Variants in VPS13B observed in about 807,000 individuals in gnomAD.
VPS13B encodes vacuolar protein sorting 13 homolog B, also known as intermembrane lipid transfer protein VPS13B.
Under a neutral mutation model 426.4 loss-of-function variants are expected in VPS13B, and 285 were observed. That is an observed-to-expected ratio of 0.67 (90% CI 0.61 to 0.74). The LOEUF (loss-of-function observed/expected upper bound fraction) is 0.74, where lower values mean the gene tolerates loss of function less well. VPS13B is among the 30% of genes least tolerant of loss of function. The probability of loss-of-function intolerance (pLI) is 0.00; values close to 1 mark genes in which losing one functional copy is unlikely to be tolerated. For missense variants in VPS13B, 4,537 were observed against 4,782.6 expected (o/e 0.95, Z 1.51); for synonymous variants, 1,676 against 1,676.4 (o/e 1.00, Z 0.01).
At chr8:99,855,301 G>C (rs1411253930) in intron 56 of VPS13B, among the ~76,000 whole-genome samples, 1 of 152,130 alleles carries the variant, frequency 6.6e-6, no homozygotes, top group Non-Finnish European at 1.5e-5. Context: ...AGGATTGCTC[G>C]AGCCCAGGAC....
intron 4 of VPS13B, among the ~76,000 whole-genome samples, chr8:99,101,596 AT>A (rs1453154701): frequency 6.6e-6 from 1 of 152,364 alleles, no homozygotes; most frequent in East Asian, 1.9e-4. Flanking sequence ...ATCTATTAAT[AT>A]TTTGAATGTT....
intron 20 of VPS13B, among the ~76,000 whole-genome samples, chr8:99,386,130 T>C (rs1172053197): frequency 6.6e-6 from 1 of 152,154 alleles, no homozygotes; most frequent in African/African-American, 2.4e-5. Flanking sequence ...TCATTGTAAA[T>C]TCTTGATTGG....
intron 33 of VPS13B, among the ~76,000 whole-genome samples, chr8:99,640,903 G>GT (rs1158757273): frequency 1.3e-5 from 2 of 151,952 alleles, no homozygotes; most frequent in African/African-American, 4.8e-5. Flanking sequence ...GGGTGGGGTA[G>GT]TTTTTTTTAC....
rs774889268 is a variant in VPS13B at position 99,387,432 on chromosome 8, C to T, written c.2934+3115C>T. ...GAGGTGGTGTCTCACTATATTGCCC[C>T]GGCTCGTCTAAAACTCCTAGGTTCA... On this transcript the variant is annotated intron_variant, in intron 20 of 61. Transcript: ENST00000357162. Among the ~76,000 whole-genome samples, 18 of 151,794 alleles carry T rather than the reference C, an allele frequency of 1.2e-4. No individual in the cohort carries two copies. In the East Asian group the frequency reaches 1.7e-3, roughly 15 times the overall value.
intron 17 of VPS13B, among the ~76,000 whole-genome samples, chr8:99,219,477 C>T (rs763020732): frequency 2.0e-5 from 3 of 152,200 alleles, no homozygotes; most frequent in Admixed American, 1.3e-4. Context: ...TTTTGTGCTT[C>T]TATAACAGAA....
At chr8:99,127,294 T>G (rs948096770) in intron 8 of VPS13B, among the ~76,000 whole-genome samples, 1 of 152,168 alleles carries the variant, frequency 6.6e-6, no homozygotes, top group Non-Finnish European at 1.5e-5. Flanking sequence ...TAGATGCTGA[T>G]AGACTACCAA....
At chr8:99,081,575 C>A (rs1245572187) in intron 3 of VPS13B, among the ~76,000 whole-genome samples, 26 of 116,606 alleles carry the variant, frequency 2.2e-4, no homozygotes, top group Admixed American at 6.0e-4. Flanking sequence ...TCCCTCCCCC[C>A]TCCCCCAACC....
At chr8:99,682,910 C>T (rs1401985930) in intron 35 of VPS13B, among the ~76,000 whole-genome samples, 2 of 152,176 alleles carry the variant, frequency 1.3e-5, no homozygotes, top group Non-Finnish European at 2.9e-5. Flanking sequence ...ACTTGGTGCT[C>T]CATTCTACTG....
At chr8:99,296,343 G>C (rs1588218561) in intron 19 of VPS13B, among the ~76,000 whole-genome samples, 1 of 152,066 alleles carries the variant, frequency 6.6e-6, no homozygotes, top group Non-Finnish European at 1.5e-5. Context: ...TGGAAATAAG[G>C]ATAATATCTA....
chr8:99,824,970 T>C (rs1410892618), intron 51 of VPS13B, among the ~76,000 whole-genome samples: 1 of 152,238 alleles, frequency 6.6e-6, no homozygotes, highest in East Asian at 1.9e-4. Context: ...ATTTATCCAG[T>C]CTATCATTGA....
At chr8:99,341,515 CT>C (rs1438875420) in intron 19 of VPS13B, 1 of 156,588 alleles carries the variant, frequency 6.4e-6, no homozygotes, top group East Asian at 1.9e-4. Context: ...TTGTCTTCAA[CT>C]GGGGGGCTTT....
At chr8:99,795,605 A>G (rs1448140260) in intron 43 of VPS13B, among the ~76,000 whole-genome samples, 1 of 152,242 alleles carries the variant, frequency 6.6e-6, no homozygotes, top group Non-Finnish European at 1.5e-5. Flanking sequence ...TTAGTCAAGA[A>G]TTTGGGGCAT....
intron 30 of VPS13B, among the ~76,000 whole-genome samples, chr8:99,533,865 G>A (rs562183475): frequency 6.6e-6 from 1 of 152,226 alleles, no homozygotes; most frequent in East Asian, 1.9e-4. Context: ...TCTAGATGCA[G>A]TGTTAAGATT....
chr8:99,534,452 A>G (rs753493684), intron 30 of VPS13B, among the ~76,000 whole-genome samples: 5 of 152,198 alleles, frequency 3.3e-5, no homozygotes, highest in South Asian at 2.1e-4. Context: ...GGTTCCCATC[A>G]TAACAGTTTT....
At chr8:99,362,139 CTTTTTT>C (rs71273181) in intron 19 of VPS13B, among the ~76,000 whole-genome samples, 2 of 119,756 alleles carry the variant, frequency 1.7e-5, no homozygotes, top group East Asian at 2.3e-4. Flanking sequence ...TTTAATTTGT[CTTTTTT>C]TTTTTTTTTT....
In VPS13B at chr8:99,481,637, G is replaced by A. The variant is rs748228139; in HGVS notation, c.3705G>A (p.Lys1235=). The change falls in exon 25 of 62, where the codon AAG becomes AAA. Residue 1235 remains lysine, a synonymous_variant. Transcript: ENST00000357162. ...LFYELTDIMN[K]VWNKIQKRGN... ...ATGAACTAACTGATATCATGAATAA[G>A]GTCTGGAACAAGATTCAGAAGAGAG... 3.7e-6 allele frequency: 6 copies of A among 1,613,796 alleles called. No individual in the cohort carries two copies. In the South Asian group the frequency reaches 4.4e-5, roughly 12 times the overall value.
intron 24 of VPS13B, among the ~76,000 whole-genome samples, chr8:99,471,299 C>G (rs1202393209): frequency 6.6e-6 from 1 of 152,022 alleles, no homozygotes; most frequent in Non-Finnish European, 1.5e-5. Flanking sequence ...AATCAAAAAG[C>G]ATAACATTGT....
At chr8:99,872,202 A>G (rs902512254) in intron 61 of VPS13B, among the ~76,000 whole-genome samples, 43 of 152,264 alleles carry the variant, frequency 2.8e-4, no homozygotes, top group Non-Finnish European at 5.1e-4. Flanking sequence ...TGGGTGCTGG[A>G]AAGGACCAAT....
intron 33 of VPS13B, among the ~76,000 whole-genome samples, chr8:99,591,820 A>G (rs907086158): frequency 2.0e-5 from 3 of 151,854 alleles, no homozygotes; most frequent in Non-Finnish European, 2.9e-5. Context: ...GAATCTCACA[A>G]TTATGTTTCT....
Sources: gnomAD v4.1 joint callset for allele counts (sites outside exome capture counted in the v4.1 genomes callset) on GRCh38, gnomAD v4.1.1 for gene constraint, MANE v1.5 for transcripts, NCBI Gene and HGNC (gene_info 2026-07-23, HGNC 2026-07-21) for gene names.